The following LGR6 variants were observed in gnomAD, a reference collection of about 807,000 sequenced individuals.
LGR6 encodes leucine-rich repeat-containing G protein-coupled receptor 6.
LGR6 carries 45 observed loss-of-function variants against 69.4 expected under a neutral mutation model. The observed-to-expected ratio is 0.65, with a 90% confidence interval of 0.51 to 0.83. The LOEUF is 0.83. LGR6 is among the 40% of genes least tolerant of loss of function. The pLI is 0.00. For synonymous variants in LGR6, 538 were observed against 555.0 expected (o/e 0.97, Z 0.43); for missense variants, 1,108 against 1,246.7 (o/e 0.89, Z 1.68).
At chr1:202,247,132 C>T (rs1197760541) in intron 4 of LGR6, among the ~76,000 whole-genome samples, 8 of 152,184 alleles carry the variant, frequency 5.3e-5, no homozygotes, top group Non-Finnish European at 1.0e-4. Context: ...GGGCTGGGGC[C>T]CAAGAATCTG....
At chr1:202,213,446 A>T (rs1465444659) in intron 1 of LGR6, among the ~76,000 whole-genome samples, 1 of 152,174 alleles carries the variant, frequency 6.6e-6, no homozygotes, top group Non-Finnish European at 1.5e-5. Flanking sequence ...GCCAGAGATC[A>T]GAAGATCAAA....
chr1:202,244,359 G>C (rs1223564705), intron 4 of LGR6, among the ~76,000 whole-genome samples: 1 of 152,130 alleles, frequency 6.6e-6, no homozygotes, highest in East Asian at 1.9e-4. Flanking sequence ...GTATGCTAGG[G>C]CTGCCTTAAC....
chr1:202,307,210 G>A, intron 13 of LGR6, 120 bp from the exon 14 acceptor site: 1 of 988,386 alleles, frequency 1.0e-6, no homozygotes, highest in Non-Finnish European at 1.6e-6. Context: ...TCCCCAAAAG[G>A]CAAAGGTTAC....
intron 11 of LGR6, 140 bp downstream of exon 11, chr1:202,304,770 A>G: frequency 1.8e-6 from 1 of 541,436 alleles, no homozygotes; most frequent in Non-Finnish European, 3.2e-6. Flanking sequence ...CTGAGAGCCT[A>G]CCCCAGAAGG....
chr1:202,233,383 G>C (rs1468898825), intron 3 of LGR6, among the ~76,000 whole-genome samples: 1 of 152,154 alleles, frequency 6.6e-6, no homozygotes. Flanking sequence ...GAAGAGGCAT[G>C]AGCAGCCTGC....
intron 15 of LGR6, 59 bp downstream of exon 15, chr1:202,309,235 G>T (rs1653518944): frequency 1.3e-6 from 2 of 1,596,900 alleles, no homozygotes; most frequent in Admixed American, 3.4e-5. Context: ...TGGAGGGACA[G>T]AGAGAAAGCC....
chr1:202,216,335 C>A (rs1360816021), intron 1 of LGR6, among the ~76,000 whole-genome samples: 2 of 152,152 alleles, frequency 1.3e-5, no homozygotes, highest in Non-Finnish European at 2.9e-5. Flanking sequence ...AGTAATTATC[C>A]AAAATCGCAG....
At chr1:202,203,367 G>A (rs770641555) in intron 1 of LGR6, among the ~76,000 whole-genome samples, 33 of 152,158 alleles carry the variant, frequency 2.2e-4, no homozygotes, top group Admixed American at 3.3e-4. Flanking sequence ...TCCTTTGCAC[G>A]AAGAAGAACA....
At chr1:202,297,296 C>G (rs1378877953) in intron 6 of LGR6, among the ~76,000 whole-genome samples, 2 of 152,216 alleles carry the variant, frequency 1.3e-5, no homozygotes, top group African/African-American at 2.4e-5. Flanking sequence ...CAGAACAGTT[C>G]TGCAGCCAGG....
chr1:202,255,627 C>G (rs900846968), intron 4 of LGR6, among the ~76,000 whole-genome samples: 1 of 152,022 alleles, frequency 6.6e-6, no homozygotes, highest in African/African-American at 2.4e-5. Context: ...TTTGCTCTGA[C>G]TCATTGTAGA....
At position 202,220,654 on chromosome 1, in the gene LGR6, C is replaced by T. The variant is rs1245860811; in HGVS notation, c.213-4769C>T. On this transcript the variant is annotated intron_variant, in intron 1 of 17. Transcript: ENST00000367278. Reference sequence around the variant, plus strand: ...TGTTGTCCTGGGGGGATAACAACGGCAGGTGCTGTGCTACATGCATGGTAA... The same window carrying T: ...TGTTGTCCTGGGGGGATAACAACGGTAGGTGCTGTGCTACATGCATGGTAA... 2.0e-5 allele frequency among the ~76,000 whole-genome samples: 3 copies of T among 152,186 alleles called. No individual in the cohort carries two copies. The East Asian group carries it at 5.8e-4, about 29-fold the overall frequency.
intron 6 of LGR6, 24 bp downstream of exon 6, chr1:202,280,876 ACT>A (rs749512273): frequency 4.4e-6 from 7 of 1,602,306 alleles, no homozygotes; most frequent in African/African-American, 2.7e-5. Context: ...TCTTGGTCAA[ACT>A]CTGTCCTGCC....
chr1:202,224,515 G>C (rs1014664418), intron 1 of LGR6, among the ~76,000 whole-genome samples: 1 of 152,184 alleles, frequency 6.6e-6, no homozygotes. Flanking sequence ...TGGCACCAGG[G>C]ACCAGTTTCA....
intron 1 of LGR6, among the ~76,000 whole-genome samples, chr1:202,208,199 T>C (rs982268377): frequency 6.6e-6 from 1 of 152,130 alleles, no homozygotes; most frequent in Non-Finnish European, 1.5e-5. Context: ...AACTTTAGGT[T>C]TGTTCTCTGG....
chr1:202,265,026 G>C (rs917690330), intron 4 of LGR6, among the ~76,000 whole-genome samples: 1 of 152,084 alleles, frequency 6.6e-6, no homozygotes, highest in African/African-American at 2.4e-5. Context: ...CTTATTAGAT[G>C]GCATAAATCA....
At chr1:202,204,342 CCA>C (rs1387410026) in intron 1 of LGR6, among the ~76,000 whole-genome samples, 8 of 131,298 alleles carry the variant, frequency 6.1e-5, no homozygotes, top group Non-Finnish European at 8.2e-5. Flanking sequence ...ACACACACCT[CCA>C]CACACACACA....
chr1:202,319,604 A>G lies in LGR6; in HGVS notation c.*397A>G. Reference sequence around the variant, plus strand: ...AGGTGATTTCCCGTGTGACTCATGGATAGGATACAAAATGTGTTCCATGTA... The same window carrying G: ...AGGTGATTTCCCGTGTGACTCATGGGTAGGATACAAAATGTGTTCCATGTA... On this transcript the variant is annotated 3_prime_UTR_variant, in exon 18 of 18. Transcript: ENST00000367278. 1 of 184,944 alleles carries G rather than the reference A, an allele frequency of 5.4e-6. No homozygotes were observed. 11.5% of individuals were successfully genotyped at this position (184,944 alleles called of 1,614,324 possible). A position where few individuals can be genotyped will look rare whatever the true frequency, so the allele number is the denominator to read the frequency against.
At chr1:202,306,173 G>C (rs952571878) in intron 12 of LGR6, among the ~76,000 whole-genome samples, 5 of 152,172 alleles carry the variant, frequency 3.3e-5, no homozygotes, top group African/African-American at 1.2e-4. Context: ...ATGCATATGT[G>C]TGTATGTGTT....
intron 6 of LGR6, among the ~76,000 whole-genome samples, chr1:202,283,427 C>T (rs1462211712): frequency 6.6e-6 from 1 of 152,172 alleles, no homozygotes; most frequent in South Asian, 2.1e-4. Flanking sequence ...ATAATTGGCA[C>T]GCTTTGCAGT....
Sources: allele counts gnomAD v4.1 joint callset (sites outside exome capture counted in the v4.1 genomes callset), GRCh38; gene constraint gnomAD v4.1.1; transcripts MANE v1.5; gene names NCBI Gene and HGNC (gene_info 2026-07-23, HGNC 2026-07-21).